GPC5: variants seen among roughly 807,000 people sequenced by gnomAD.
The protein encoded by GPC5 is glypican-5.
Under a neutral mutation model 53.9 loss-of-function variants are expected in GPC5, and 47 were observed. The ratio of observed to expected loss-of-function variants is 0.87; its 90% CI spans 0.69 to 1.11. GPC5 has a LOEUF of 1.11. Ranked by LOEUF, GPC5 falls within the 50% of genes most tolerant of loss-of-function variation. The probability of loss-of-function intolerance (pLI) is 0.00; values close to 1 mark genes in which losing one functional copy is unlikely to be tolerated. For synonymous variants in GPC5, 286 were observed against 263.3 expected (o/e 1.09, Z -0.84); for missense variants, 748 against 713.1 (o/e 1.05, Z -0.56).
At chr13:92,552,836 T>C (rs1882363721) in intron 7 of GPC5, among the ~76,000 whole-genome samples, 1 of 151,986 alleles carries the variant, frequency 6.6e-6, no homozygotes, top group Non-Finnish European at 1.5e-5. Flanking sequence ...TCCAAGATTA[T>C]CCTTCTGTTC....
chr13:92,851,887 CAAAAAAAA>C (rs71202563), intron 7 of GPC5, among the ~76,000 whole-genome samples: 42 of 59,210 alleles, frequency 7.1e-4, no homozygotes, highest in Non-Finnish European at 1.2e-3. Context: ...GACTCCGTCT[CAAAAAAAA>C]AAAAAAAAAA....
At chr13:91,424,242 G>C (rs1273515487) in intron 1 of GPC5, among the ~76,000 whole-genome samples, 1 of 151,742 alleles carries the variant, frequency 6.6e-6, no homozygotes, top group Non-Finnish European at 1.5e-5. Flanking sequence ...GGGACACATG[G>C]TGGCAAGTAC....
chr13:91,889,654 C>T (rs1428161888), intron 5 of GPC5, among the ~76,000 whole-genome samples: 2 of 151,948 alleles, frequency 1.3e-5, no homozygotes, highest in Non-Finnish European at 2.9e-5. Flanking sequence ...GATAAATCAT[C>T]GCTATAAATA....
chr13:91,405,910 C>T (rs1193222228), intron 1 of GPC5, among the ~76,000 whole-genome samples: 2 of 152,074 alleles, frequency 1.3e-5, no homozygotes, highest in African/African-American at 4.8e-5. Context: ...TAGCTGGGCC[C>T]GTAGGTGCAT....
At chr13:91,558,806 C>T (rs971030629) in intron 2 of GPC5, among the ~76,000 whole-genome samples, 25 of 152,116 alleles carry the variant, frequency 1.6e-4, no homozygotes, top group Admixed American at 5.2e-4. Flanking sequence ...GTCATGGCTG[C>T]GCCCTCTCCA....
chr13:92,490,045 C>T (rs1879704115), intron 7 of GPC5: 1 of 153,084 alleles, frequency 6.5e-6, no homozygotes, highest in Non-Finnish European at 1.5e-5. Context: ...TTTACATACT[C>T]TTCTTGTGCA....
intron 7 of GPC5, among the ~76,000 whole-genome samples, chr13:92,166,968 A>T (rs988550011): frequency 2.9e-4 from 31 of 106,566 alleles, no homozygotes; most frequent in East Asian, 6.5e-4. Flanking sequence ...ACACACACAC[A>T]CACACACACA....
chr13:92,361,366 T>A (rs1340649024), intron 7 of GPC5, among the ~76,000 whole-genome samples: 3 of 151,630 alleles, frequency 2.0e-5, no homozygotes, highest in African/African-American at 7.3e-5. Context: ...CCCGGTCATT[T>A]AGCTTGTCAC....
At chr13:91,990,394 G>A (rs1039307054) in intron 6 of GPC5, among the ~76,000 whole-genome samples, 7 of 151,964 alleles carry the variant, frequency 4.6e-5, no homozygotes, top group African/African-American at 1.7e-4. Context: ...GTTGGTACAG[G>A]GGTGGCTGTG....
At chr13:92,009,500 A>T (rs916919906) in intron 6 of GPC5, among the ~76,000 whole-genome samples, 4 of 152,110 alleles carry the variant, frequency 2.6e-5, no homozygotes, top group Non-Finnish European at 4.4e-5. Flanking sequence ...AAATGTAAAA[A>T]CATTCCTCAG....
intron 7 of GPC5, among the ~76,000 whole-genome samples, chr13:92,674,288 G>A (rs1217142719): frequency 1.3e-5 from 2 of 152,164 alleles, no homozygotes; most frequent in African/African-American, 4.8e-5. Flanking sequence ...GGTTGAAGAA[G>A]TGTCTTTATC....
chr13:91,945,797 G>A (rs185699570), intron 6 of GPC5, among the ~76,000 whole-genome samples: 6 of 152,098 alleles, frequency 3.9e-5, no homozygotes, highest in African/African-American at 1.2e-4. Flanking sequence ...CAAGCCTTAC[G>A]CTTTCCCTGT....
intron 4 of GPC5, among the ~76,000 whole-genome samples, chr13:91,742,115 G>A (rs1286090773): frequency 1.3e-5 from 2 of 152,138 alleles, no homozygotes; most frequent in East Asian, 1.9e-4. Context: ...GGTATGGAGG[G>A]AACATGAGCT....
chr13:91,791,028 G>C (rs1388865543), intron 5 of GPC5, among the ~76,000 whole-genome samples: 1 of 152,178 alleles, frequency 6.6e-6, no homozygotes, highest in Non-Finnish European at 1.5e-5. Flanking sequence ...ACTTTTAACA[G>C]AGACTGGATT....
chr13:92,100,887 A>G (rs981970624), intron 6 of GPC5, among the ~76,000 whole-genome samples: 1 of 152,216 alleles, frequency 6.6e-6, no homozygotes, highest in Non-Finnish European at 1.5e-5. Context: ...ACTTACAGAC[A>G]TACATAATAA....
At chr13:91,731,809 G>C (rs889107059) in intron 4 of GPC5, among the ~76,000 whole-genome samples, 3 of 152,138 alleles carry the variant, frequency 2.0e-5, no homozygotes, top group Admixed American at 2.0e-4. Flanking sequence ...GTGTTAGTTT[G>C]CTGAGGATGA....
intron 7 of GPC5, among the ~76,000 whole-genome samples, chr13:92,839,144 C>A (rs2138830835): frequency 6.6e-6 from 1 of 152,328 alleles, no homozygotes; most frequent in Non-Finnish European, 1.5e-5. Flanking sequence ...CATTGTGCTA[C>A]TAACTGACCA....
At chr13:92,155,848 C>T (rs1176261002) in intron 7 of GPC5, among the ~76,000 whole-genome samples, 3 of 151,970 alleles carry the variant, frequency 2.0e-5, no homozygotes, top group Admixed American at 6.6e-5. Flanking sequence ...CCTTTTAGCT[C>T]GCTTTGAAGT....
chr13:92,231,780 A>G (rs2042531706), intron 7 of GPC5, among the ~76,000 whole-genome samples: 1 of 152,130 alleles, frequency 6.6e-6, no homozygotes, highest in Non-Finnish European at 1.5e-5. Context: ...AGCCGGGCCA[A>G]CATGGTGAAA....
Sources: allele counts gnomAD v4.1 joint callset (sites outside exome capture counted in the v4.1 genomes callset), GRCh38; gene constraint gnomAD v4.1.1; transcripts MANE v1.5; gene names NCBI Gene and HGNC (gene_info 2026-07-23, HGNC 2026-07-21).